Variants in INSYN2B observed in about 807,000 individuals in gnomAD.
INSYN2B encodes the protein protein INSYN2B.
In INSYN2B, 16 loss-of-function variants were observed where a neutral mutation model predicts 41.2. The ratio of observed to expected loss-of-function variants is 0.39; its 90% CI spans 0.26 to 0.59. INSYN2B has a LOEUF of 0.59. Among genes scored for constraint, INSYN2B ranks in the 20% least tolerant of loss-of-function variants. The probability of loss-of-function intolerance (pLI) is 0.57; values close to 1 mark genes in which losing one functional copy is unlikely to be tolerated. For missense variants in INSYN2B, 608 were observed against 646.4 expected (o/e 0.94, Z 0.64); for synonymous variants, 245 against 244.4 (o/e 1.00, Z -0.02).
At chr5:169,919,342 A>G (rs1775048976) in intron 1 of INSYN2B, among the ~76,000 whole-genome samples, 1 of 152,178 alleles carries the variant, frequency 6.6e-6, no homozygotes, top group African/African-American at 2.4e-5. Flanking sequence ...AGGTTTATGA[A>G]GATTTACTGC....
At chr5:169,870,264 T>C (rs1438779471) in intron 3 of INSYN2B, among the ~76,000 whole-genome samples, 1 of 152,180 alleles carries the variant, frequency 6.6e-6, no homozygotes, top group East Asian at 1.9e-4. Context: ...CTAATCTGGC[T>C]TACAGATCAG....
At chr5:169,962,691 C>T (rs551404438) in intron 1 of INSYN2B, among the ~76,000 whole-genome samples, 2 of 152,022 alleles carry the variant, frequency 1.3e-5, no homozygotes, top group South Asian at 2.1e-4. Flanking sequence ...TTGGAAAATA[C>T]GGCACTAAAA....
intron 1 of INSYN2B, among the ~76,000 whole-genome samples, chr5:169,956,314 A>G (rs1436593778): frequency 2.0e-5 from 3 of 152,244 alleles, no homozygotes; most frequent in Non-Finnish European, 4.4e-5. Context: ...GCTAGAAAAA[A>G]TTAGGGAAAT....
intron 1 of INSYN2B, among the ~76,000 whole-genome samples, chr5:169,952,884 G>A (rs1776718944): frequency 6.6e-6 from 1 of 152,230 alleles, no homozygotes; most frequent in Non-Finnish European, 1.5e-5. Context: ...ATACTTTGCA[G>A]AAGTCTGGGA....
intron 1 of INSYN2B, among the ~76,000 whole-genome samples, chr5:169,909,675 A>T (rs969196654): frequency 6.6e-6 from 1 of 152,218 alleles, no homozygotes; most frequent in Non-Finnish European, 1.5e-5. Flanking sequence ...CTAAACCTAT[A>T]ATACATCTAC....
At chr5:169,941,328 C>CTCGG (rs1776236823) in intron 1 of INSYN2B, among the ~76,000 whole-genome samples, 2 of 152,190 alleles carry the variant, frequency 1.3e-5, no homozygotes, top group Admixed American at 6.5e-5. Flanking sequence ...CTGTCTCAGC[C>CTCGG]GCCCAAGTAG....
intron 1 of INSYN2B, among the ~76,000 whole-genome samples, chr5:169,937,354 T>C (rs543518950): frequency 6.4e-4 from 97 of 152,350 alleles, no homozygotes; most frequent in African/African-American, 2.3e-3. Context: ...GTTCCCTGGG[T>C]GTGCAACCTT....
intron 1 of INSYN2B, among the ~76,000 whole-genome samples, chr5:169,929,725 G>C (rs937883973): frequency 1.5e-5 from 2 of 137,108 alleles, no homozygotes; most frequent in Non-Finnish European, 3.1e-5. Flanking sequence ...CTGGGCAACA[G>C]AGTGAGACCC....
chr5:169,966,990 C>G (rs1777324978), intron 1 of INSYN2B, among the ~76,000 whole-genome samples: 1 of 152,240 alleles, frequency 6.6e-6, no homozygotes, highest in African/African-American at 2.4e-5. Context: ...ACTGATTCTT[C>G]CATCTGAGAC....
intron 1 of INSYN2B, among the ~76,000 whole-genome samples, chr5:169,909,325 A>G (rs1389415756): frequency 6.6e-6 from 1 of 152,224 alleles, no homozygotes. Context: ...AGTATAGAAC[A>G]TTTCTTTCTA....
At chr5:169,900,841 G>A (rs1266587326) in intron 1 of INSYN2B, among the ~76,000 whole-genome samples, 1 of 152,088 alleles carries the variant, frequency 6.6e-6, no homozygotes. Flanking sequence ...GATATAGCCT[G>A]CCTGGAATTG....
At chr5:169,951,338 C>T (rs1776655971) in intron 1 of INSYN2B, among the ~76,000 whole-genome samples, 2 of 152,210 alleles carry the variant, frequency 1.3e-5, no homozygotes, top group African/African-American at 4.8e-5. Flanking sequence ...CATATGTGGC[C>T]CCAGACAGAG....
At chr5:169,892,927 C>T (rs1384475853) in intron 1 of INSYN2B, among the ~76,000 whole-genome samples, 3 of 151,246 alleles carry the variant, frequency 2.0e-5, no homozygotes, top group Non-Finnish European at 4.4e-5. Context: ...TTTTCTCCAG[C>T]ATGGCTCCCC....
At chr5:169,865,790 T>C (rs905904123) in intron 3 of INSYN2B, among the ~76,000 whole-genome samples, 1 of 152,168 alleles carries the variant, frequency 6.6e-6, no homozygotes, top group Non-Finnish European at 1.5e-5. Context: ...AGACCCCATG[T>C]TGGTTTATGA....
chr5:169,942,260 G>C (rs1776272327), intron 1 of INSYN2B, among the ~76,000 whole-genome samples: 1 of 152,102 alleles, frequency 6.6e-6, no homozygotes, highest in Admixed American at 6.5e-5. Context: ...TATCTTCCTT[G>C]GTCTATTCTC....
intron 3 of INSYN2B, among the ~76,000 whole-genome samples, 198 bp downstream of exon 3, chr5:169,881,170 A>G (rs867161545): frequency 3.3e-5 from 5 of 152,358 alleles, no homozygotes; most frequent in South Asian, 2.1e-4. Flanking sequence ...AGGGATGATT[A>G]CATCAAAAGG....
intron 1 of INSYN2B, among the ~76,000 whole-genome samples, chr5:169,929,615 T>C (rs1019537115): frequency 1.3e-5 from 2 of 151,900 alleles, no homozygotes; most frequent in African/African-American, 2.4e-5. Flanking sequence ...TGGTGGCACA[T>C]GCCTGTAGTC....
intron 1 of INSYN2B, among the ~76,000 whole-genome samples, chr5:169,947,822 A>C (rs114628938): frequency 2.0e-4 from 30 of 152,312 alleles, no homozygotes; most frequent in Non-Finnish European, 4.0e-4. Context: ...ATGAGCATAC[A>C]TAAATACATA....
chr5:169,953,958 G>C (rs549350756), intron 1 of INSYN2B, among the ~76,000 whole-genome samples: 1 of 152,178 alleles, frequency 6.6e-6, no homozygotes, highest in Non-Finnish European at 1.5e-5. Flanking sequence ...TTAATGCATG[G>C]CAAAGGCTTC....
Sources: gnomAD v4.1 joint callset for allele counts (sites outside exome capture counted in the v4.1 genomes callset) on GRCh38, gnomAD v4.1.1 for gene constraint, MANE v1.5 for transcripts, NCBI Gene and HGNC (gene_info 2026-07-23, HGNC 2026-07-21) for gene names.